G3BP2: variants seen among roughly 807,000 people sequenced by gnomAD.
The protein encoded by G3BP2 is ras GTPase-activating protein-binding protein 2.
Under a neutral mutation model 56.7 loss-of-function variants are expected in G3BP2, and 11 were observed. The observed-to-expected ratio is 0.19, with a 90% CI of 0.12 to 0.32. G3BP2 has a LOEUF of 0.32. G3BP2 is among the 10% of genes least tolerant of loss of function. The pLI is 1.00. For synonymous variants in G3BP2, 165 were observed against 191.6 expected (o/e 0.86, Z 1.15); for missense variants, 340 against 610.9 (o/e 0.56, Z 4.67).
At chr4:75,720,346 C>T (rs1203880939) in intron 3 of G3BP2, among the ~76,000 whole-genome samples, 2 of 151,018 alleles carry the variant, frequency 1.3e-5, no homozygotes, top group Non-Finnish European at 3.0e-5. Flanking sequence ...ACCAAAAATA[C>T]AAAAAATTAG....
chr4:75,658,738 G>A, intron 3 of G3BP2, 105 bp downstream of exon 3: 2 of 764,712 alleles, frequency 2.6e-6, no homozygotes, highest in Non-Finnish European at 2.3e-6. Context: ...AAAAAAAAAA[G>A]AGAAAGAAAG....
intron 3 of G3BP2, among the ~76,000 whole-genome samples, chr4:75,657,972 G>GT (rs1417828934): frequency 3.9e-5 from 6 of 152,154 alleles, no homozygotes; most frequent in African/African-American, 1.4e-4. Context: ...CTTTTCTGTA[G>GT]TAAGTATTTG....
At chr4:75,667,246 A>C (rs1346059897) in intron 1 of G3BP2, among the ~76,000 whole-genome samples, 3 of 150,986 alleles carry the variant, frequency 2.0e-5, no homozygotes, top group Non-Finnish European at 4.4e-5. Flanking sequence ...CCAAGATGGC[A>C]CCACCGCACT....
rs760727298 is a variant in G3BP2 at position 75,656,904 on chromosome 4, T to C, written c.442+20A>G. The C allele has an allele frequency of 2.3e-5, 27 of 1,158,172 alleles. No individual in the cohort carries two copies. Among genetic ancestry groups the C allele is most frequent in the Non-Finnish European group, 3.1e-5 (24 of 772,696 alleles). The allele number at this position is 1,158,172 out of a possible 1,614,324, so 71.7% of individuals were successfully genotyped here. A position where few individuals can be genotyped will look rare whatever the true frequency, so the allele number is the denominator to read the frequency against. Reference sequence around the variant, plus strand: ...TACCAACAGAACCCTTCTATCTTCATATCTTCAAAGTAACCTCACCTTCAT... The same window carrying C: ...TACCAACAGAACCCTTCTATCTTCACATCTTCAAAGTAACCTCACCTTCAT... On this transcript the variant is annotated intron_variant, in intron 5 of 11. Coordinates refer to ENST00000359707, the MANE Select transcript of G3BP2 (RefSeq NM_203505.3).
chr4:75,652,214 A>G (rs552936414), intron 8 of G3BP2, among the ~76,000 whole-genome samples: 1 of 152,344 alleles, frequency 6.6e-6, no homozygotes, highest in African/African-American at 2.4e-5. Flanking sequence ...ATAAATATGA[A>G]GGTATTTTTC....
At chr4:75,656,872 TA>T in intron 5 of G3BP2, 51 bp downstream of exon 5, 2 of 823,882 alleles carry the variant, frequency 2.4e-6, no homozygotes, top group South Asian at 3.0e-5. Flanking sequence ...AATTAGTCCA[TA>T]AAGAGTACCA....
chr4:75,671,312 A>C (rs780098495), intron 1 of G3BP2, among the ~76,000 whole-genome samples: 13 of 152,304 alleles, frequency 8.5e-5, no homozygotes, highest in African/African-American at 2.9e-4. Flanking sequence ...TTTTAAAGCA[A>C]TCTAGGGGGA....
intron 3 of G3BP2, among the ~76,000 whole-genome samples, chr4:75,696,591 C>A (rs1205475428): frequency 6.6e-6 from 1 of 152,156 alleles, no homozygotes; most frequent in East Asian, 1.9e-4. Flanking sequence ...TATGTTCTTC[C>A]CTTCTCTTTG....
At chr4:75,670,407 T>C (rs1052749325) in intron 1 of G3BP2, 3 of 152,198 alleles carry the variant, frequency 2.0e-5, no homozygotes, top group African/African-American at 4.8e-5. Context: ...CACCATTGAA[T>C]GAAAGCTTCA....
intron 1 of G3BP2, 56 bp downstream of exon 1, chr4:75,673,152 T>A: frequency 8.8e-7 from 1 of 1,142,830 alleles, no homozygotes; most frequent in Non-Finnish European, 1.1e-6. Flanking sequence ...GGAGCGCGAA[T>A]GGAATGTCCC....
At chr4:75,672,889 C>T in intron 1 of G3BP2, 1 of 491,194 alleles carries the variant, frequency 2.0e-6, no homozygotes, top group Non-Finnish European at 2.6e-6. Flanking sequence ...TCGGGAGCTG[C>T]TGCGTGCCTC....
Position 75,647,162 on chromosome 4 carries a change from G to C in G3BP2, c.929-5C>G, listed in dbSNP as rs527479357. 1.3e-5 allele frequency: 21 copies of C among 1,570,284 alleles called. No individual in the cohort carries two copies. Among genetic ancestry groups the C allele is most frequent in the Non-Finnish European group, 1.6e-5 (19 of 1,153,758 alleles). On this transcript the variant is annotated splice_region_variant and splice_polypyrimidine_tract_variant and intron_variant, in intron 9 of 11. Coordinates refer to ENST00000359707, the MANE Select transcript of G3BP2 (RefSeq NM_203505.3). ...TCTGTTCCATATCTCCTCTGCCTGA[G>C]AATAGAAATAGAGCAGATACTAAAG...
At chr4:75,684,605 A>C (rs1420700787) in intron 3 of G3BP2, among the ~76,000 whole-genome samples, 1 of 152,132 alleles carries the variant, frequency 6.6e-6, no homozygotes, top group African/African-American at 2.4e-5. Flanking sequence ...CACAGGCATA[A>C]TCATGGCAAA....
chr4:75,650,576 A>G (rs970273513), intron 8 of G3BP2, among the ~76,000 whole-genome samples: 1 of 152,146 alleles, frequency 6.6e-6, no homozygotes, highest in Non-Finnish European at 1.5e-5. Flanking sequence ...CTCTATGTCA[A>G]TGTCCTATTT....
upstream of G3BP2, among the ~76,000 whole-genome samples, chr4:75,674,716 ATATTTTTTT>A (rs1392953007): frequency 1.5e-4 from 8 of 53,056 alleles, no homozygotes; most frequent in South Asian, 1.1e-3. Context: ...ATATATATAT[ATATTTTTTT>A]TTTTTTTTTT....
rs538064346 is a variant in G3BP2 at position 75,699,195 on chromosome 4, G to A, written c.-25+21682C>T. Among the ~76,000 whole-genome samples, 9 of 152,208 alleles carry A rather than the reference G, an allele frequency of 5.9e-5. No individual in the cohort carries two copies. In the Middle Eastern group the frequency reaches 0.01, roughly 173 times the overall value. ...GGCTCATTTGTACCAGCATACAGAC[G>A]TGATTTTAAAGCACCCAGTGTAAAA... On this transcript the variant is annotated intron_variant, in intron 3 of 3. Transcript: ENST00000499709.
intron 7 of G3BP2, chr4:75,654,784 T>C (rs1731959649): frequency 6.6e-6 from 2 of 305,228 alleles, no homozygotes; most frequent in African/African-American, 4.4e-5. Context: ...AAAGAACAAC[T>C]GACAGCTCTA....
At chr4:75,665,638 CACACAAACACACAAACAA>C (rs1366174950) in intron 1 of G3BP2, among the ~76,000 whole-genome samples, 1 of 72,546 alleles carries the variant, frequency 1.4e-5, no homozygotes, top group Non-Finnish European at 2.9e-5. Flanking sequence ...CACACACACA[CACACAAACACACAAACAA>C]ACACACACAC....
upstream of G3BP2, among the ~76,000 whole-genome samples, chr4:75,674,473 A>G (rs952280306): frequency 6.6e-6 from 1 of 151,966 alleles, no homozygotes; most frequent in African/African-American, 2.4e-5. Flanking sequence ...AAAGTCTACA[A>G]TATCTTTACC....
Sources: gnomAD v4.1 joint callset for allele counts (sites outside exome capture counted in the v4.1 genomes callset) on GRCh38, gnomAD v4.1.1 for gene constraint, MANE v1.5 for transcripts, NCBI Gene and HGNC (gene_info 2026-07-23, HGNC 2026-07-21) for gene names.